NCOR1: variants seen among roughly 807,000 people sequenced by gnomAD.
The protein encoded by NCOR1 is protein phosphatase 1, regulatory subunit 109.
In NCOR1, 63 loss-of-function variants were observed where a neutral mutation model predicts 288.1. The ratio of observed to expected loss-of-function variants is 0.22; its 90% CI spans 0.18 to 0.27. The LOEUF (loss-of-function observed/expected upper bound fraction) is 0.27. Ranked by LOEUF, NCOR1 falls within the 10% of genes least tolerant of loss-of-function variation. NCOR1 has a pLI of 1.00. For missense variants in NCOR1, 2,397 were observed against 3,019.2 expected, an observed-to-expected ratio of 0.79 and a Z score of 4.83; for synonymous variants, 1,007 against 1,065.9, an observed-to-expected ratio of 0.94 and a Z score of 1.08.
At chr17:16,038,148 G>A (rs1347608249) in intron 44 of NCOR1, among the ~76,000 whole-genome samples, 1 of 151,424 alleles carries the variant, frequency 6.6e-6, no homozygotes, top group African/African-American at 2.4e-5. Context: ...GAAGATAACA[G>A]GAAAATAAAT....
intron 4 of NCOR1, 152 bp from the exon 5 acceptor site, chr17:16,165,313 T>C (rs993661460): frequency 8.2e-6 from 5 of 606,880 alleles, no homozygotes; most frequent in Non-Finnish European, 1.4e-5. Flanking sequence ...TTCACATACA[T>C]GCAAATTCTC....
At chr17:16,207,821 T>C (rs560812301) in intron 1 of NCOR1, among the ~76,000 whole-genome samples, 40 of 151,598 alleles carry the variant, frequency 2.6e-4, no homozygotes, top group Admixed American at 4.6e-4. Context: ...TATTTGTGTA[T>C]AACAAAGAAT....
chr17:16,186,711 C>A, intron 2 of NCOR1, 24 bp from the exon 3 acceptor site: 1 of 1,602,344 alleles, frequency 6.2e-7, no homozygotes, highest in South Asian at 1.1e-5. Context: ...AATCATAAAT[C>A]AATTATTAAC....
At chr17:16,039,093 C>A (rs1386871855) in intron 44 of NCOR1, 2 of 214,012 alleles carry the variant, frequency 9.3e-6, no homozygotes, top group Non-Finnish European at 1.9e-5. Flanking sequence ...TTCTACTGAG[C>A]CTAATTTTTA....
chr17:16,179,417 A>G (rs1265131671), intron 3 of NCOR1, among the ~76,000 whole-genome samples: 1 of 152,206 alleles, frequency 6.6e-6, no homozygotes, highest in Non-Finnish European at 1.5e-5. Context: ...GATTGAGTTA[A>G]GCAGAAGTAG....
At chr17:16,104,254 GA>G (rs2068164259) in intron 19 of NCOR1, among the ~76,000 whole-genome samples, 4 of 151,066 alleles carry the variant, frequency 2.6e-5, no homozygotes, top group African/African-American at 7.4e-5. Flanking sequence ...GAATGGTTGT[GA>G]AAACCTAAGT....
chr17:16,114,268 T>C (rs1314025993), intron 18 of NCOR1, among the ~76,000 whole-genome samples: 1 of 151,772 alleles, frequency 6.6e-6, no homozygotes, highest in East Asian at 1.9e-4. Context: ...CATGATTCAA[T>C]TATCTCCCAC....
chr17:16,122,452 G>A (rs1356914576), intron 15 of NCOR1, among the ~76,000 whole-genome samples: 3 of 152,106 alleles, frequency 2.0e-5, no homozygotes, highest in African/African-American at 7.2e-5. Flanking sequence ...AGTCACCAAT[G>A]ACTTGCAAAC....
At chr17:16,081,732 C>A (rs2063442051) in intron 23 of NCOR1, among the ~76,000 whole-genome samples, 1 of 152,208 alleles carries the variant, frequency 6.6e-6, no homozygotes, top group South Asian at 2.1e-4. Context: ...TGATTAACTT[C>A]TCCACTGCCT....
chr17:16,080,820 T>TAA (rs879731007), intron 23 of NCOR1, 93 bp from the exon 24 acceptor site: 334 of 925,098 alleles, frequency 3.6e-4, no homozygotes, highest in South Asian at 8.3e-4. Flanking sequence ...CATTTCTGTT[T>TAA]AAAAAAAAAA....
intron 19 of NCOR1, among the ~76,000 whole-genome samples, chr17:16,107,517 G>C (rs2069028582): frequency 6.6e-6 from 1 of 152,306 alleles, no homozygotes; most frequent in Middle Eastern, 3.4e-3. Context: ...CCTTGACCTT[G>C]CACGTACAGC....
At chr17:16,101,964 G>A (rs921562091) in intron 19 of NCOR1, among the ~76,000 whole-genome samples, 3 of 152,122 alleles carry the variant, frequency 2.0e-5, no homozygotes, top group Non-Finnish European at 4.4e-5. Context: ...TTCCTACAGA[G>A]TATAAAAGTG....
chr17:16,101,112 C>T (rs2067551397), intron 20 of NCOR1, 138 bp downstream of exon 20: 6 of 794,780 alleles, frequency 7.5e-6, no homozygotes, highest in Non-Finnish European at 1.2e-5. Context: ...ACAGTATCAG[C>T]CCAATATTAA....
intron 1 of NCOR1, among the ~76,000 whole-genome samples, chr17:16,208,215 T>A (rs1267754600): frequency 8.0e-6 from 1 of 125,290 alleles, no homozygotes; most frequent in Admixed American, 7.8e-5. Flanking sequence ...TATTTTTTTT[T>A]TTTTTTTTTT....
intron 6 of NCOR1, among the ~76,000 whole-genome samples, chr17:16,154,660 G>C (rs2079425615): frequency 6.6e-6 from 1 of 152,212 alleles, no homozygotes; most frequent in Non-Finnish European, 1.5e-5. Context: ...AGGCGGGTAA[G>C]CATGTAAACA....
In NCOR1 at chr17:16,127,720, T is replaced by TACATATATGTATATATGTGTGTGTATAC. The variant is rs1437105859; in HGVS notation, c.1510-1515_1510-1514insGTATACACACACATATATACATATATGT. Among the ~76,000 whole-genome samples the TACATATATGTATATATGTGTGTGTATAC allele has an allele frequency of 2.9e-4, 40 of 138,570 alleles. 3 individuals are homozygous for TACATATATGTATATATGTGTGTGTATAC. The highest frequency in any genetic ancestry group is 4.1e-4 in the Non-Finnish European group (26 of 63,378). The allele number at this position is 138,570 out of a possible 152,430, so 90.9% of individuals were successfully genotyped here. A position where few individuals can be genotyped will look rare whatever the true frequency, so the allele number is the denominator to read the frequency against. ...ATATGTATATATGTGTGTGTATATA[T>TACATATATGTATATATGTGTGTGTATAC]ACATATATGTGTATATATGTGTGGA... On this transcript the variant is annotated intron_variant, in intron 14 of 45. Coordinates refer to ENST00000268712, the MANE Select transcript of NCOR1 (RefSeq NM_006311.4).
In NCOR1 at chr17:16,199,376, A is replaced by T. The variant is rs370480447; in HGVS notation, c.-70-4737T>A. Among the ~76,000 whole-genome samples the T allele has an allele frequency of 1.2e-4, 19 of 152,260 alleles. 1 individual carries two copies. The South Asian group carries it at 3.9e-3, about 32-fold the overall frequency. On this transcript the variant is annotated intron_variant, in intron 1 of 45. Coordinates refer to ENST00000268712, the MANE Select transcript of NCOR1 (RefSeq NM_006311.4). ...TCCTCAAAACTTATCCATGAGATAC[A>T]CGGCAACAGTGCTCAGATTTTGTTT...
rs2080341461 is a variant in NCOR1 at position 16,159,321 on chromosome 17, G to C, written c.619-448C>G. ...CCAGCTACTAAGAAGGCTGAGGCAG[G>C]AGAATCACTTGAACCCGGGAGGTGG... On this transcript the variant is annotated intron_variant, in intron 5 of 45. Coordinates refer to ENST00000268712, the MANE Select transcript of NCOR1 (RefSeq NM_006311.4). 2.0e-5 allele frequency among the ~76,000 whole-genome samples: 3 copies of C among 149,996 alleles called. No individual in the cohort carries two copies. The Admixed American group carries it at 2.0e-4, about 10-fold the overall frequency.
chr17:16,046,876 A>G (rs2058728014), intron 42 of NCOR1, 75 bp downstream of exon 42: 4 of 1,535,676 alleles, frequency 2.6e-6, no homozygotes, highest in Non-Finnish European at 3.6e-6. Context: ...CTCAAGCATT[A>G]CAGGAGAGGC....
Sources: gnomAD v4.1 joint callset for allele counts (sites outside exome capture counted in the v4.1 genomes callset) on GRCh38, gnomAD v4.1.1 for gene constraint, MANE v1.5 for transcripts, NCBI Gene and HGNC (gene_info 2026-07-23, HGNC 2026-07-21) for gene names.